The following POMK variants were observed in gnomAD, a reference collection of about 807,000 sequenced individuals.
POMK encodes the protein Sugen kinase 196.
A neutral mutation model predicts 23.0 loss-of-function variants in POMK; 19 were observed. The ratio of observed to expected loss-of-function variants is 0.83; its 90% CI spans 0.58 to 1.21. The LOEUF is 1.21. Ranked by LOEUF, POMK falls within the 50% of genes most tolerant of loss-of-function variation. The pLI, the probability that POMK is intolerant of heterozygous loss-of-function variation, is 0.00. For synonymous variants in POMK, 173 were observed against 171.6 expected, an observed-to-expected ratio of 1.01 and a Z score of -0.06; for missense variants, 410 against 431.3, an observed-to-expected ratio of 0.95 and a Z score of 0.44.
At chr8:43,110,965 A>G (rs1320964857) in intron 4 of POMK, among the ~76,000 whole-genome samples, 1 of 151,970 alleles carries the variant, frequency 6.6e-6, no homozygotes, top group Non-Finnish European at 1.5e-5. Flanking sequence ...GCCGAATAGG[A>G]ACAGCTCCAG....
chr8:43,122,531 A>T lies in POMK; in HGVS notation c.707A>T (p.His236Leu). The T allele has an allele frequency of 6.2e-7, 1 of 1,614,156 alleles. No individual in the cohort carries two copies. The highest frequency in any genetic ancestry group is 8.5e-7 in the Non-Finnish European group (1 of 1,180,016). The change falls in exon 5 of 5, where the codon CAC becomes CTC. Residue 236 changes from histidine to leucine, a missense_variant. By Grantham distance (99) the His-to-Leu change is moderately conservative. Transcript: ENST00000331373. The stretch of plus-strand genomic sequence containing the variant: ...TTGGACGCCTTACCCCTGGTGAACC[A>T]CAGCTCCGGGATGCTGGTGAAGTGC... ...NDLDALPLVN[H>L]SSGMLVKCGH...
intron 4 of POMK, among the ~76,000 whole-genome samples, chr8:43,114,968 T>C (rs986488087): frequency 6.6e-6 from 1 of 152,218 alleles, no homozygotes; most frequent in Non-Finnish European, 1.5e-5. Context: ...AAATGACTTA[T>C]TGAAGGGCCT....
At chr8:43,114,329 C>G (rs1434421340) in intron 4 of POMK, among the ~76,000 whole-genome samples, 1 of 152,240 alleles carries the variant, frequency 6.6e-6, no homozygotes, top group Non-Finnish European at 1.5e-5. Flanking sequence ...CACCCCTCCC[C>G]CAGGCTCGCT....
chr8:43,118,973 G>A (rs559748475), intron 4 of POMK, among the ~76,000 whole-genome samples: 5 of 152,012 alleles, frequency 3.3e-5, no homozygotes, highest in Non-Finnish European at 7.4e-5. Context: ...CACCATGCCC[G>A]GCTAATTTTT....
chr8:43,099,578 T>C (rs911291638), intron 2 of POMK, among the ~76,000 whole-genome samples: 1 of 152,188 alleles, frequency 6.6e-6, no homozygotes, highest in Non-Finnish European at 1.5e-5. Flanking sequence ...GTAGATGCTA[T>C]TGATAGATCA....
intron 4 of POMK, among the ~76,000 whole-genome samples, chr8:43,118,810 T>TTTG: frequency 6.6e-6 from 1 of 152,266 alleles, no homozygotes; most frequent in African/African-American, 2.4e-5. Flanking sequence ...TACTGTTTTT[T>TTTG]TTGTTGTTGT....
At position 43,095,235 on chromosome 8, in the gene POMK, C is replaced by T. The variant is rs146367134; in HGVS notation, c.-210+1672C>T. ...TTCAGTGACCTTAGATATATTACTT[C>T]ACCTCTGACTCAGTTGTCTTATCTG... On this transcript the variant is annotated intron_variant, in intron 1 of 4. Coordinates refer to ENST00000331373, the MANE Select transcript of POMK (RefSeq NM_032237.5). Among the ~76,000 whole-genome samples the T allele has an allele frequency of 3.3e-5, 5 of 152,324 alleles. No individual in the cohort carries two copies. In the East Asian group the frequency reaches 9.6e-4, roughly 29 times the overall value.
rs1013241014 is a variant in POMK at position 43,093,583 on chromosome 8, G to C, written c.-210+20G>C. 6.6e-6 allele frequency: 1 copy of C among 152,598 alleles called. No individual in the cohort carries two copies. The highest frequency in any genetic ancestry group is 1.9e-4 in the East Asian group (1 of 5,218). The allele number at this position is 152,598 out of a possible 1,614,324, so 9.5% of individuals were successfully genotyped here. ...CTGCAGGTAGGTGCTGCGGCGAGGG[G>C]TGAGAGGGCGAAGGGGCGAGGGGGC... On this transcript the variant is annotated intron_variant, in intron 1 of 4. Transcript: ENST00000331373.
At chr8:43,118,293 A>C (rs546265066) in intron 4 of POMK, among the ~76,000 whole-genome samples, 78 of 152,334 alleles carry the variant, frequency 5.1e-4, no homozygotes, top group African/African-American at 1.8e-3. Context: ...GTTAAATGAA[A>C]AAAGAGCTGC....
At chr8:43,119,029 T>G (rs1020783053) in intron 4 of POMK, among the ~76,000 whole-genome samples, 1 of 152,168 alleles carries the variant, frequency 6.6e-6, no homozygotes, top group Non-Finnish European at 1.5e-5. Flanking sequence ...GCCAGGATGG[T>G]CTTGATCTCC....
At chr8:43,098,588 A>AGTGT (rs1303523145) in intron 2 of POMK, among the ~76,000 whole-genome samples, 2 of 151,950 alleles carry the variant, frequency 1.3e-5, no homozygotes, top group African/African-American at 2.4e-5. Flanking sequence ...TTCATGTATG[A>AGTGT]GTGTGTGTGT....
intron 4 of POMK, among the ~76,000 whole-genome samples, chr8:43,114,014 G>A (rs1278338868): frequency 6.6e-6 from 1 of 152,222 alleles, no homozygotes; most frequent in Non-Finnish European, 1.5e-5. Context: ...GTGTCAGTCT[G>A]CCCCTACTGG....
At position 43,122,408 on chromosome 8, in the gene POMK, GCCCT is replaced by G; in HGVS notation, c.585_588del (p.Ser195ArgfsTer22). On this transcript the variant is annotated frameshift_variant, in exon 5 of 5. Transcript: ENST00000331373. LOFTEE classifies it high-confidence loss of function. Reference sequence around the variant, plus strand: ...AGCATCATTAATTACCTGCACCACAGCCCTGTGGGCACACGGGTCATGTGCGACT... The same window carrying G: ...AGCATCATTAATTACCTGCACCACAGGTGGGCACACGGGTCATGTGCGACT... The G allele has an allele frequency of 1.9e-6, 3 of 1,614,204 alleles. No homozygotes were observed. Among genetic ancestry groups the G allele is most frequent in the Non-Finnish European group, 2.5e-6 (3 of 1,180,048 alleles).
At chr8:43,098,859 C>G (rs1175636354) in intron 2 of POMK, among the ~76,000 whole-genome samples, 1 of 152,202 alleles carries the variant, frequency 6.6e-6, no homozygotes, top group Non-Finnish European at 1.5e-5. Context: ...ACTGGTGAAG[C>G]TGAGCATCTT....
chr8:43,107,928 C>G (rs1811577643), intron 4 of POMK, among the ~76,000 whole-genome samples: 1 of 152,212 alleles, frequency 6.6e-6, no homozygotes, highest in African/African-American at 2.4e-5. Context: ...GGCAATCCGC[C>G]TGCCTTGGCC....
At chr8:43,102,936 G>C (rs1355093238) in intron 3 of POMK, among the ~76,000 whole-genome samples, 1 of 152,204 alleles carries the variant, frequency 6.6e-6, no homozygotes, top group East Asian at 1.9e-4. Flanking sequence ...GTCAGCTCCT[G>C]TCCGTGGTCA....
intron 3 of POMK, among the ~76,000 whole-genome samples, chr8:43,102,827 C>T (rs759661978): frequency 7.2e-5 from 11 of 152,352 alleles, no homozygotes; most frequent in South Asian, 4.1e-4. Flanking sequence ...ACGGCTCCAG[C>T]GGTAGAGCCC....
In POMK at chr8:43,122,950, G is replaced by GT. The variant is rs1256288469; in HGVS notation, c.*79dup. Reference sequence around the variant, plus strand: ...TACAGCATTCTACTCTGATGGTGGAGTTTTTTGCCTGAGTTTCGTGTTTTA... The same window carrying GT: ...TACAGCATTCTACTCTGATGGTGGAGTTTTTTTGCCTGAGTTTCGTGTTTTA... On this transcript the variant is annotated 3_prime_UTR_variant, in exon 5 of 5. Transcript: ENST00000331373. 13 of 1,391,714 alleles carry GT rather than the reference G, an allele frequency of 9.3e-6. No individual in the cohort carries two copies. In the Admixed American group the frequency reaches 2.5e-4, roughly 26 times the overall value. 86.2% of individuals were successfully genotyped at this position (1,391,714 alleles called of 1,614,324 possible).
At position 43,122,718 on chromosome 8, in the gene POMK, G is replaced by T; in HGVS notation, c.894G>T (p.Gly298=). ...ISSFLLGHIE[G]SDMVRFHLFD... is the part of the protein sequence containing the mutation. ...GTTTCCTTCTGGGGCACATTGAAGG[G>T]AGTGATATGGTCCGATTCCATTTGT... The change falls in exon 5 of 5, where the codon GGG becomes GGT. Residue 298 remains glycine, a synonymous_variant. Transcript: ENST00000331373. The T allele has an allele frequency of 6.2e-7, 1 of 1,614,188 alleles. No individual in the cohort carries two copies. Among genetic ancestry groups the T allele is most frequent in the Non-Finnish European group, 8.5e-7 (1 of 1,180,036 alleles).
Sources: allele counts gnomAD v4.1 joint callset (sites outside exome capture counted in the v4.1 genomes callset), GRCh38; gene constraint gnomAD v4.1.1; transcripts MANE v1.5; gene names NCBI Gene and HGNC (gene_info 2026-07-23, HGNC 2026-07-21).